MAD1L1: variants seen among roughly 807,000 people sequenced by gnomAD.
MAD1L1 encodes the protein mitotic spindle assembly checkpoint protein MAD1.
Under a neutral mutation model 96.9 loss-of-function variants are expected in MAD1L1, and 95 were observed. The ratio of observed to expected loss-of-function variants is 0.98; its 90% CI spans 0.83 to 1.16. The LOEUF is 1.16. MAD1L1 is among the 50% of genes most tolerant of loss of function. The pLI is 0.00. For missense variants in MAD1L1, 1,007 were observed against 954.4 expected, an observed-to-expected ratio of 1.06 and a Z score of -0.73; for synonymous variants, 473 against 396.6, an observed-to-expected ratio of 1.19 and a Z score of -2.29.
intron 12 of MAD1L1, among the ~76,000 whole-genome samples, chr7:2,015,556 G>C (rs565251097): frequency 6.6e-6 from 1 of 152,376 alleles, no homozygotes; most frequent in East Asian, 1.9e-4. Context: ...TGCTGCTGCG[G>C]GGAAGTGTGG....
chr7:2,134,370 T>C (rs1439827518), intron 11 of MAD1L1, among the ~76,000 whole-genome samples: 2 of 152,258 alleles, frequency 1.3e-5, no homozygotes, highest in African/African-American at 2.4e-5. Flanking sequence ...CTCATTATTC[T>C]ACAAGTTCTT....
chr7:2,136,443 C>G (rs1410889229), intron 11 of MAD1L1, among the ~76,000 whole-genome samples: 1 of 152,202 alleles, frequency 6.6e-6, no homozygotes, highest in African/African-American at 2.4e-5. Context: ...GCCTGGTACC[C>G]ACAGGTGCCT....
At chr7:1,949,818 GGGCACTTGCAGACAGGGCCAC>G (rs1211249247) in intron 16 of MAD1L1, among the ~76,000 whole-genome samples, 1 of 152,234 alleles carries the variant, frequency 6.6e-6, no homozygotes, top group Non-Finnish European at 1.5e-5. Flanking sequence ...ACCCCGTGCG[GGGCACTTGCAGACAGGGCCAC>G]GGCCCTTGCT....
chr7:1,903,390 G>A (rs1449188236), intron 17 of MAD1L1, among the ~76,000 whole-genome samples: 3 of 150,920 alleles, frequency 2.0e-5, no homozygotes, highest in Admixed American at 6.6e-5. Flanking sequence ...AGGACACAGT[G>A]GCCTATGGAA....
At chr7:2,176,801 T>C (rs972509546) in intron 10 of MAD1L1, among the ~76,000 whole-genome samples, 3 of 151,994 alleles carry the variant, frequency 2.0e-5, no homozygotes, top group African/African-American at 7.3e-5. Context: ...ACAGCAAATA[T>C]TGGAAAGGTG....
intron 10 of MAD1L1, among the ~76,000 whole-genome samples, chr7:2,199,210 C>T (rs187206052): frequency 6.6e-6 from 1 of 152,384 alleles, no homozygotes; most frequent in Admixed American, 6.5e-5. Context: ...TGATCAAAAA[C>T]GGTCTCACTG....
intron 18 of MAD1L1, among the ~76,000 whole-genome samples, chr7:1,823,887 C>A (rs1311965647): frequency 1.3e-5 from 2 of 151,338 alleles, no homozygotes; most frequent in Non-Finnish European, 3.0e-5. Flanking sequence ...CGCCTGCTTC[C>A]CTGAAGCCCA....
At chr7:1,831,821 G>A (rs1415602220) in intron 18 of MAD1L1, among the ~76,000 whole-genome samples, 3 of 152,172 alleles carry the variant, frequency 2.0e-5, no homozygotes, top group African/African-American at 7.2e-5. Flanking sequence ...CTGTTCAAAC[G>A]TAGCACAGTG....
chr7:1,830,436 A>G (rs1235659561), intron 18 of MAD1L1, among the ~76,000 whole-genome samples: 1 of 152,228 alleles, frequency 6.6e-6, no homozygotes, highest in Non-Finnish European at 1.5e-5. Context: ...ATGGGCCTAC[A>G]CAAGAAGAAG....
intron 18 of MAD1L1, among the ~76,000 whole-genome samples, chr7:1,850,150 G>A (rs577334399): frequency 7.3e-4 from 111 of 152,266 alleles, no homozygotes; most frequent in South Asian, 1.5e-3. Flanking sequence ...AGCGGCGGCC[G>A]GGGCAGCGGC....
chr7:1,989,995 G>A (rs1781333866), intron 14 of MAD1L1, among the ~76,000 whole-genome samples: 7 of 152,240 alleles, frequency 4.6e-5, no homozygotes, highest in Admixed American at 3.9e-4. Flanking sequence ...GCTCCCAGGG[G>A]CCTTCCCTAA....
chr7:1,864,235 T>G (rs1404599142), intron 18 of MAD1L1, among the ~76,000 whole-genome samples: 5 of 152,166 alleles, frequency 3.3e-5, no homozygotes, highest in African/African-American at 1.2e-4. Context: ...CTTGTGTTGC[T>G]AGCAGAGACA....
chr7:2,060,280 T>C, intron 12 of MAD1L1, among the ~76,000 whole-genome samples: 1 of 94,246 alleles, frequency 1.1e-5, no homozygotes. Context: ...GATGCCGAGA[T>C]ACGCCGATCC....
chr7:1,984,498 A>C (rs757879125), intron 14 of MAD1L1, among the ~76,000 whole-genome samples: 7 of 152,242 alleles, frequency 4.6e-5, no homozygotes, highest in Non-Finnish European at 8.8e-5. Context: ...AAATCCTGCT[A>C]CTGGCATCTT....
chr7:1,872,307 T>A (rs1012337803), intron 18 of MAD1L1, among the ~76,000 whole-genome samples: 3 of 152,206 alleles, frequency 2.0e-5, no homozygotes, highest in African/African-American at 7.2e-5. Flanking sequence ...TGACAGGTCA[T>A]GCCCAGCGGC....
At chr7:2,083,693 C>T (rs1239478652) in intron 11 of MAD1L1, among the ~76,000 whole-genome samples, 1 of 152,250 alleles carries the variant, frequency 6.6e-6, no homozygotes, top group Non-Finnish European at 1.5e-5. Flanking sequence ...GGTTGAAACC[C>T]GGCCTCCGCC....
intron 11 of MAD1L1, among the ~76,000 whole-genome samples, chr7:2,138,655 C>T (rs1409693566): frequency 6.6e-6 from 1 of 152,186 alleles, no homozygotes. Flanking sequence ...ACTCTGAGAA[C>T]CCCAGGCCCA....
intron 11 of MAD1L1, among the ~76,000 whole-genome samples, chr7:2,141,169 A>C (rs1789011365): frequency 1.3e-5 from 2 of 152,250 alleles, no homozygotes; most frequent in Admixed American, 1.3e-4. Context: ...GGGAGGGAAC[A>C]GGTTCAGACA....
At chr7:1,911,798 A>G (rs1314042124) in intron 17 of MAD1L1, among the ~76,000 whole-genome samples, 5 of 150,882 alleles carry the variant, frequency 3.3e-5, no homozygotes, top group African/African-American at 4.9e-5. Flanking sequence ...CTCCAGATGA[A>G]GCCCCTCTTG....
Sources: gnomAD v4.1 joint callset for allele counts (sites outside exome capture counted in the v4.1 genomes callset) on GRCh38, gnomAD v4.1.1 for gene constraint, MANE v1.5 for transcripts, NCBI Gene and HGNC (gene_info 2026-07-23, HGNC 2026-07-21) for gene names.